The following GID4 variants were observed in gnomAD, a reference collection of about 807,000 sequenced individuals.
GID4 encodes GID complex subunit 4 homolog, also known as glucose-induced degradation protein 4 homolog.
In GID4, 7 loss-of-function variants were observed where a neutral mutation model predicts 32.4. The observed-to-expected ratio is 0.22, with a 90% CI of 0.12 to 0.41. The LOEUF (loss-of-function observed/expected upper bound fraction) is 0.41. GID4 is among the 10% of genes least tolerant of loss of function. The probability of loss-of-function intolerance (pLI) is 1.00; values close to 1 mark genes in which losing one functional copy is unlikely to be tolerated. For synonymous variants in GID4, 166 were observed against 170.0 expected (o/e 0.98, Z 0.18); for missense variants, 309 against 400.0 (o/e 0.77, Z 1.94).
chr17:18,065,156 G>A (rs768900218), intron 5 of GID4, 24 bp from the exon 6 acceptor site: 27 of 1,600,270 alleles, frequency 1.7e-5, no homozygotes, highest in South Asian at 4.4e-5. Flanking sequence ...ACTACCTCCC[G>A]TTTCTGTCTC....
At chr17:18,046,483 C>T (rs866460401) in intron 2 of GID4, among the ~76,000 whole-genome samples, 1 of 152,038 alleles carries the variant, frequency 6.6e-6, no homozygotes, top group Non-Finnish European at 1.5e-5. Flanking sequence ...TGTTGTGTGC[C>T]TGTAGTCCTA....
intron 1 of GID4, among the ~76,000 whole-genome samples, chr17:18,043,818 T>G (rs2044825437): frequency 6.6e-6 from 1 of 152,226 alleles, no homozygotes; most frequent in Admixed American, 6.5e-5. Context: ...TCACTTAACA[T>G]TAAAATCTCA....
At chr17:18,060,242 A>ACAAAAAT (rs1241925720) in intron 4 of GID4, among the ~76,000 whole-genome samples, 1 of 151,616 alleles carries the variant, frequency 6.6e-6, no homozygotes, top group African/African-American at 2.4e-5. Context: ...TACTAAAAAT[A>ACAAAAAT]CAAAAATTAG....
Position 18,039,601 on chromosome 17 carries a change from AC to A in GID4, c.141del (p.Ala48ArgfsTer94). On this transcript the variant is annotated frameshift_variant, in exon 1 of 6. Coordinates refer to ENST00000268719, the MANE Select transcript of GID4 (RefSeq NM_024052.5). LOFTEE classifies it high-confidence loss of function. This position sits in a 1 kb window ranked among gnomAD's most constrained non-coding sequence, Gnocchi z 5.3. ...QRAGGRPSRP[H>X]PARARPGLSL... ...GCGGGTGGTCGCCCCTCCCGCCCCCACCCCGCGCGTGCGCGCCCCGGCCTCT... is the reference window on the plus strand; with the variant it reads ...GCGGGTGGTCGCCCCTCCCGCCCCCACCCGCGCGTGCGCGCCCCGGCCTCT... 2.1e-6 allele frequency: 1 copy of A among 478,108 alleles called. No individual in the cohort carries two copies. The highest frequency in any genetic ancestry group is 2.6e-6 in the Non-Finnish European group (1 of 390,138). The allele number at this position is 478,108 out of a possible 1,614,324, so 29.6% of individuals were successfully genotyped here.
intron 1 of GID4, among the ~76,000 whole-genome samples, chr17:18,044,524 C>T (rs1414227161): frequency 6.6e-6 from 1 of 152,176 alleles, no homozygotes; most frequent in Non-Finnish European, 1.5e-5. Flanking sequence ...ATAAAATGCA[C>T]AGAGTGAACA....
intron 2 of GID4, among the ~76,000 whole-genome samples, chr17:18,050,452 T>C (rs1396404062): frequency 6.6e-6 from 1 of 152,202 alleles, no homozygotes; most frequent in Non-Finnish European, 1.5e-5. Context: ...CCCAGCAGCT[T>C]TCAGGGGTTA....
At chr17:18,045,090 G>C (rs944755828) in intron 1 of GID4, 57 bp from the exon 2 acceptor site, 6 of 1,392,092 alleles carry the variant, frequency 4.3e-6, no homozygotes, top group Admixed American at 3.4e-5. Flanking sequence ...GTACCCTCCT[G>C]CATGTCCCCT....
In GID4 at chr17:18,050,673, T is replaced by C. The variant is rs536371800; in HGVS notation, c.499-3454T>C. Among the ~76,000 whole-genome samples the C allele has an allele frequency of 2.0e-5, 3 of 152,350 alleles. No homozygotes were observed. In the South Asian group the frequency reaches 6.2e-4, roughly 32 times the overall value. ...TGTTCCAGAAGTTCCTGTTGACTTA[T>C]TGGCCAATTGAATGTTAATCCTCCA... On this transcript the variant is annotated intron_variant, in intron 2 of 5. Coordinates refer to ENST00000268719, the MANE Select transcript of GID4 (RefSeq NM_024052.5).
At chr17:18,040,793 C>T (rs888472419) in intron 1 of GID4, among the ~76,000 whole-genome samples, 4 of 152,192 alleles carry the variant, frequency 2.6e-5, no homozygotes, top group Admixed American at 1.3e-4. Context: ...CACAGGGCTT[C>T]CTCTTAGTCT....
At chr17:18,063,336 G>T (rs900182381) in intron 5 of GID4, among the ~76,000 whole-genome samples, 3 of 151,886 alleles carry the variant, frequency 2.0e-5, no homozygotes, top group Non-Finnish European at 4.4e-5. Flanking sequence ...CTTGAACCTC[G>T]GAGGCGGAGG....
rs138689665 is a variant in GID4 at position 18,041,781 on chromosome 17, T to C, written c.438+1879T>C. Among the ~76,000 whole-genome samples, 372 of 152,352 alleles carry C rather than the reference T, an allele frequency of 2.4e-3. 2 individuals carry two copies. The highest frequency in any genetic ancestry group is 8.6e-3 in the African/African-American group (358 of 41,574). On this transcript the variant is annotated intron_variant, in intron 1 of 5. Coordinates refer to ENST00000268719, the MANE Select transcript of GID4 (RefSeq NM_024052.5). ...AGTCTGCTTTGGCTACTGCAGCAAC[T>C]GCTGCTCCCTTCTGTCATTAGGGTA...
chr17:18,063,601 G>A (rs2045035758), intron 5 of GID4, among the ~76,000 whole-genome samples: 1 of 152,092 alleles, frequency 6.6e-6, no homozygotes, highest in African/African-American at 2.4e-5. Flanking sequence ...CCTATTCTGG[G>A]TATTTTATAT....
At chr17:18,045,562 G>A (rs905588472) in intron 2 of GID4, among the ~76,000 whole-genome samples, 1 of 152,018 alleles carries the variant, frequency 6.6e-6, no homozygotes, top group Non-Finnish European at 1.5e-5. Flanking sequence ...TAAAAAATGA[G>A]CTTTTAAGTT....
chr17:18,065,098 T>C, intron 5 of GID4, 82 bp from the exon 6 acceptor site: 1 of 993,596 alleles, frequency 1.0e-6, no homozygotes, highest in South Asian at 1.3e-5. Context: ...TTGGGTGCTC[T>C]GCTTTTTGAG....
At chr17:18,063,462 ACTAT>A (rs1239521172) in intron 5 of GID4, among the ~76,000 whole-genome samples, 3 of 152,196 alleles carry the variant, frequency 2.0e-5, no homozygotes, top group African/African-American at 7.2e-5. Flanking sequence ...GAGTTGTCTA[ACTAT>A]CAAGTTTAGA....
In GID4 at chr17:18,066,310, C is replaced by A. The variant is rs186706351; in HGVS notation, c.*1067C>A. ...ATTTGTGCCGCCTCCTTTTGCTACT[C>A]AAAACAGCAATGCTTGGCGGCAGCC... On this transcript the variant is annotated 3_prime_UTR_variant, in exon 6 of 6. Transcript: ENST00000268719. 1 of 152,518 alleles carries A rather than the reference C, an allele frequency of 6.6e-6. No individual in the cohort carries two copies. Among genetic ancestry groups the A allele is most frequent in the African/African-American group, 2.4e-5 (1 of 41,424 alleles). The allele number at this position is 152,518 out of a possible 1,614,324, so 9.4% of individuals were successfully genotyped here. A position where few individuals can be genotyped will look rare whatever the true frequency, so the allele number is the denominator to read the frequency against.
At chr17:18,063,623 A>G (rs1344482945) in intron 5 of GID4, among the ~76,000 whole-genome samples, 1 of 152,226 alleles carries the variant, frequency 6.6e-6, no homozygotes, top group Non-Finnish European at 1.5e-5. Flanking sequence ...AATGGAATCT[A>G]CAAAATACGG....
intron 2 of GID4, among the ~76,000 whole-genome samples, chr17:18,048,134 C>G (rs966854881): frequency 6.6e-6 from 1 of 151,988 alleles, no homozygotes; most frequent in Non-Finnish European, 1.5e-5. Context: ...ATCTCCTGAC[C>G]TCATGATCCG....
intron 1 of GID4, among the ~76,000 whole-genome samples, chr17:18,043,929 G>A (rs190189432): frequency 1.4e-3 from 215 of 152,298 alleles, no homozygotes; most frequent in African/African-American, 4.9e-3. Context: ...TATTCAGAAT[G>A]AGTCTGTATA....
Sources: allele counts gnomAD v4.1 joint callset (sites outside exome capture counted in the v4.1 genomes callset), GRCh38; gene constraint gnomAD v4.1.1; non-coding constraint Gnocchi (gnomAD v3.1); transcripts MANE v1.5; gene names NCBI Gene and HGNC (gene_info 2026-07-23, HGNC 2026-07-21).